The following DNAH2 variants were observed in gnomAD, a reference collection of about 807,000 sequenced individuals.
The protein encoded by DNAH2 is dynein axonemal heavy chain 2.
In DNAH2, 323 loss-of-function variants were observed where a neutral mutation model predicts 523.5. The ratio of observed to expected loss-of-function variants is 0.62; its 90% CI spans 0.56 to 0.68. The LOEUF (loss-of-function observed/expected upper bound fraction) is 0.68. DNAH2 is among the 30% of genes least tolerant of loss of function. The probability of loss-of-function intolerance (pLI) is 0.00; values close to 1 mark genes in which losing one functional copy is unlikely to be tolerated. For synonymous variants in DNAH2, 2,093 were observed against 2,177.4 expected, an observed-to-expected ratio of 0.96 and a Z score of 1.08; for missense variants, 4,907 against 5,701.5, an observed-to-expected ratio of 0.86 and a Z score of 4.49.
At position 7,831,080 on chromosome 17, in the gene DNAH2, C is replaced by T. The variant is rs771763760; in HGVS notation, c.12231-6C>T. Reference sequence around the variant, plus strand: ...ATGTGGCAGTAATTATGCTATGACTCCCTAGGTTGTCAGCACTGGAGACTT... The same window carrying T: ...ATGTGGCAGTAATTATGCTATGACTTCCTAGGTTGTCAGCACTGGAGACTT... On this transcript the variant is annotated splice_polypyrimidine_tract_variant and splice_region_variant and intron_variant, in intron 79 of 85. Transcript: ENST00000572933. This position sits in a 1 kb window ranked among gnomAD's most constrained non-coding sequence, Gnocchi z 4.2. 8.7e-6 allele frequency: 14 copies of T among 1,611,642 alleles called. No individual in the cohort carries two copies. The highest frequency in any genetic ancestry group is 1.3e-5 in the African/African-American group (1 of 74,998).
intron 57 of DNAH2, 38 bp downstream of exon 57, chr17:7,801,748 C>T (rs752983612): frequency 1.9e-6 from 3 of 1,611,906 alleles, no homozygotes; most frequent in African/African-American, 2.7e-5. Context: ...GCATCCCTGG[C>T]CTCCCTCTCC....
At position 7,759,850 on chromosome 17, in the gene DNAH2, C is replaced by T. The variant is rs774750190; in HGVS notation, c.2697C>T (p.His899=). The change falls in exon 17 of 86, where the codon CAC becomes CAT. Residue 899 remains histidine (H), a synonymous_variant. Coordinates refer to ENST00000572933, the MANE Select transcript of DNAH2 (RefSeq NM_020877.5). ...LAGVVNDIGN[H]LFSTISVFCH... ...GTGTGGTCAATGACATTGGCAACCACCTCTTTTCCACCATCTCTGTCTTCT... is the reference window on the plus strand; with the variant it reads ...GTGTGGTCAATGACATTGGCAACCATCTCTTTTCCACCATCTCTGTCTTCT... 13 of 1,614,102 alleles carry T rather than the reference C, an allele frequency of 8.1e-6. No individual in the cohort carries two copies. Among genetic ancestry groups the T allele is most frequent in the Middle Eastern group, 1.6e-4 (1 of 6,084 alleles).
At chr17:7,772,059 G>A (rs376447872) in intron 28 of DNAH2, among the ~76,000 whole-genome samples, 124 of 152,194 alleles carry the variant, frequency 8.1e-4, no homozygotes, top group African/African-American at 2.6e-3. Flanking sequence ...TTCAGCCATG[G>A]GATGGGGTAG....
intron 39 of DNAH2, among the ~76,000 whole-genome samples, chr17:7,784,009 T>C (rs904661864): frequency 2.6e-5 from 4 of 152,132 alleles, no homozygotes; most frequent in African/African-American, 9.7e-5. Flanking sequence ...TTTTCTATTA[T>C]TTGATAATTA....
At chr17:7,723,360 C>G (rs2151117616) in intron 2 of DNAH2, among the ~76,000 whole-genome samples, 1 of 148,486 alleles carries the variant, frequency 6.7e-6, no homozygotes, top group Admixed American at 6.8e-5. Context: ...GCAACCTCTG[C>G]CTCCTGGGTT....
At chr17:7,731,835 C>A (rs1023908307) in intron 4 of DNAH2, among the ~76,000 whole-genome samples, 5 of 151,986 alleles carry the variant, frequency 3.3e-5, no homozygotes, top group African/African-American at 9.6e-5. Flanking sequence ...TTGAGACCAG[C>A]CTGACCAACA....
At position 7,831,133 on chromosome 17, in the gene DNAH2, C is replaced by T; in HGVS notation, c.12278C>T (p.Ala4093Val). ...TYFIPKDGSL[A>V]SYKEYISLLP... Reference sequence around the variant, plus strand: ...TTCATCCCCAAGGATGGCAGCCTCGCTTCTTACAAGGAATACATCAGCTTA... The same window carrying T: ...TTCATCCCCAAGGATGGCAGCCTCGTTTCTTACAAGGAATACATCAGCTTA... Residue 4093 changes from alanine (A) to valine (V), a missense_variant, in exon 80 of 86, where the codon GCT becomes GTT. Physicochemically the swap from Ala to Val is moderately conservative, Grantham distance 64. Coordinates refer to ENST00000572933, the MANE Select transcript of DNAH2 (RefSeq NM_020877.5). The surrounding 1 kb of genome is among the most constrained non-coding windows in gnomAD (Gnocchi z 4.2). The T allele has an allele frequency of 6.2e-7, 1 of 1,614,128 alleles. No homozygotes were observed. The highest frequency in any genetic ancestry group is 1.1e-5 in the South Asian group (1 of 91,080).
In DNAH2 at chr17:7,759,136, G is replaced by A. The variant is rs1002104888; in HGVS notation, c.2448+12G>A. The A allele has an allele frequency of 1.2e-6, 2 of 1,613,220 alleles. No individual in the cohort carries two copies. Among genetic ancestry groups the A allele is most frequent in the South Asian group, 1.1e-5 (1 of 91,072 alleles). Reference sequence around the variant, plus strand: ...ATGATGGTCCTGAGGTAGGGTTCCTGTGGCCAGGATGTTGTGGTTGGAAAA... The same window carrying A: ...ATGATGGTCCTGAGGTAGGGTTCCTATGGCCAGGATGTTGTGGTTGGAAAA... On this transcript the variant is annotated intron_variant, in intron 15 of 85. Transcript: ENST00000572933.
At position 7,794,248 on chromosome 17, in the gene DNAH2, C is replaced by T; in HGVS notation, c.7570-6C>T. On this transcript the variant is annotated splice_region_variant and splice_polypyrimidine_tract_variant and intron_variant, in intron 48 of 85. Transcript: ENST00000572933. ...CCTGTCTGCCCTCCTTGTCGCTGCT[C>T]TCTAGGAAATGTTCCTGATGGCTGC... 1 of 1,602,150 alleles carries T rather than the reference C, an allele frequency of 6.2e-7. No homozygotes were observed. Among genetic ancestry groups the T allele is most frequent in the Non-Finnish European group, 8.5e-7 (1 of 1,174,436 alleles).
chr17:7,770,058 A>G (rs1436216354), intron 24 of DNAH2, among the ~76,000 whole-genome samples, 194 bp from the exon 25 acceptor site: 1 of 152,214 alleles, frequency 6.6e-6, no homozygotes, highest in African/African-American at 2.4e-5. Flanking sequence ...TCCTCTCCAG[A>G]GAATCCACTC....
At chr17:7,771,931 G>A (rs910469712) in intron 28 of DNAH2, among the ~76,000 whole-genome samples, 15 of 152,048 alleles carry the variant, frequency 9.9e-5, no homozygotes, top group African/African-American at 3.6e-4. Context: ...TGGCCAGGCT[G>A]CCTTGAACTC....
chr17:7,772,175 G>A (rs912804804), intron 28 of DNAH2, among the ~76,000 whole-genome samples: 3 of 152,096 alleles, frequency 2.0e-5, no homozygotes, highest in Admixed American at 6.6e-5. Flanking sequence ...GTTTGACAGC[G>A]GGCACCTAGA....
At chr17:7,766,159 T>C (rs1296664739) in intron 21 of DNAH2, among the ~76,000 whole-genome samples, 159 bp from the exon 22 acceptor site, 3 of 152,158 alleles carry the variant, frequency 2.0e-5, no homozygotes, top group South Asian at 2.1e-4. Context: ...TTTGCTAAGA[T>C]TAACCGTTAT....
In DNAH2 at chr17:7,798,323, T is replaced by C; in HGVS notation, c.8397T>C (p.Asp2799=). 1 of 1,606,436 alleles carries C rather than the reference T, an allele frequency of 6.2e-7. No individual in the cohort carries two copies. The highest frequency in any genetic ancestry group is 1.1e-5 in the South Asian group (1 of 90,656). Residue 2799 remains aspartate, a splice_region_variant and synonymous_variant, in exon 54 of 86, where the codon GAT becomes GAC. Coordinates refer to ENST00000572933, the MANE Select transcript of DNAH2 (RefSeq NM_020877.5). This position sits in a 1 kb window ranked among gnomAD's most constrained non-coding sequence, Gnocchi z 5.5. ...ATTATCGGAAGCAGGAGTTCCGAGATGGTACGGCTGGGTTTCTGAAATGCT... is the reference window on the plus strand; with the variant it reads ...ATTATCGGAAGCAGGAGTTCCGAGACGGTACGGCTGGGTTTCTGAAATGCT... ...TKHYRKQEFR[D]DIKRLYRQAG...
At position 7,770,409 on chromosome 17, in the gene DNAH2, G is replaced by T; in HGVS notation, c.4098+1G>T. On this transcript the variant is annotated splice_donor_variant, in intron 25 of 85. Transcript: ENST00000572933. LOFTEE classifies it high-confidence loss of function. ...AACTAAAGAGCTGGCTATAGAAGTG[G>T]TACGACAGTCCCCTCCCATGCTCCC... The T allele has an allele frequency of 6.2e-7, 1 of 1,612,144 alleles. No individual in the cohort carries two copies.
chr17:7,729,214 C>T (rs2151129334), intron 4 of DNAH2, among the ~76,000 whole-genome samples: 1 of 152,064 alleles, frequency 6.6e-6, no homozygotes, highest in Non-Finnish European at 1.5e-5. Flanking sequence ...AAGAATGGTG[C>T]TCCCCTGGTT....
rs145686578 is a variant in DNAH2 at position 7,739,761 on chromosome 17, G to A, written c.1199G>A (p.Arg400His). The part of the protein sequence containing the change: ...KVCDCQYHFA[R>H]WEDGKQGPLP... ...TGTGACTGTCAGTATCACTTCGCCC[G>A]CTGGGAAGATGGCAAGCAGGGTCCC... The change falls in exon 9 of 86, where the codon CGC becomes CAC. Residue 400 changes from arginine (R) to histidine (H), a missense_variant. Arg to His is a conservative substitution (Grantham distance 29). Around this residue, in one of 3 missense-constraint regions of DNAH2, gnomAD observed 2,806 missense variants for 3,190.8 expected, o/e 0.88. Coordinates refer to ENST00000572933, the MANE Select transcript of DNAH2 (RefSeq NM_020877.5). The A allele has an allele frequency of 2.7e-5, 43 of 1,613,384 alleles. No individual in the cohort carries two copies. Among genetic ancestry groups the A allele is most frequent in the African/African-American group, 4.0e-5 (3 of 74,876 alleles).
rs2075991929 is a variant in DNAH2 at position 7,761,064 on chromosome 17, C to G, written c.2978+132C>G. On this transcript the variant is annotated intron_variant, in intron 18 of 85. Transcript: ENST00000572933. Reference sequence around the variant, plus strand: ...TGTGTCCTCAATGACAGGAAAAGAACAGGACCTAGGACATTGGACCTTTGC... The same window carrying G: ...TGTGTCCTCAATGACAGGAAAAGAAGAGGACCTAGGACATTGGACCTTTGC... 4 of 1,157,330 alleles carry G rather than the reference C, an allele frequency of 3.5e-6. No individual in the cohort carries two copies. The East Asian group carries it at 7.2e-5, about 21-fold the overall frequency. The allele number at this position is 1,157,330 out of a possible 1,614,324, so 71.7% of individuals were successfully genotyped here.
At chr17:7,805,096 A>T (rs777419279) in intron 60 of DNAH2, 22 bp downstream of exon 60, 1 of 1,608,910 alleles carries the variant, frequency 6.2e-7, no homozygotes, top group Non-Finnish European at 8.5e-7. Flanking sequence ...GGGTGCAAGG[A>T]TGGGAGCCAG....
Sources: allele counts gnomAD v4.1 joint callset (sites outside exome capture counted in the v4.1 genomes callset), GRCh38; gene constraint gnomAD v4.1.1; regional missense constraint gnomAD v4.1.1; non-coding constraint Gnocchi (gnomAD v3.1); transcripts MANE v1.5; gene names NCBI Gene and HGNC (gene_info 2026-07-23, HGNC 2026-07-21).